The following NLGN1 variants were observed in gnomAD, a reference collection of about 807,000 sequenced individuals.
NLGN1 encodes neuroligin-1.
In NLGN1, 12 loss-of-function variants were observed where a neutral mutation model predicts 65.5. The ratio of observed to expected loss-of-function variants is 0.18; its 90% CI spans 0.12 to 0.30. NLGN1 has a LOEUF of 0.30. NLGN1 is among the 10% of genes least tolerant of loss of function. NLGN1 has a pLI of 1.00. For synonymous variants in NLGN1, 350 were observed against 359.5 expected (o/e 0.97, Z 0.30); for missense variants, 750 against 1,007.1 (o/e 0.74, Z 3.46).
intron 2 of NLGN1, among the ~76,000 whole-genome samples, chr3:173,554,130 T>A: frequency 6.6e-6 from 1 of 152,306 alleles, no homozygotes; most frequent in African/African-American, 2.4e-5. Flanking sequence ...ACTTTATTTT[T>A]AAAATCTATG....
chr3:173,612,936 T>G (rs1752531983), intron 3 of NLGN1, among the ~76,000 whole-genome samples: 1 of 152,138 alleles, frequency 6.6e-6, no homozygotes, highest in South Asian at 2.1e-4. Flanking sequence ...CCTGTGTATA[T>G]GTCTGTGTTC....
chr3:173,797,386 A>G (rs1281895540), intron 3 of NLGN1, among the ~76,000 whole-genome samples: 1 of 152,128 alleles, frequency 6.6e-6, no homozygotes, highest in African/African-American at 2.4e-5. Context: ...TCACTAAAAT[A>G]CTGCTGTAAT....
chr3:173,546,110 G>A (rs1372004396), intron 2 of NLGN1, among the ~76,000 whole-genome samples: 2 of 151,976 alleles, frequency 1.3e-5, no homozygotes, highest in Non-Finnish European at 2.9e-5. Flanking sequence ...AAATTCAAAT[G>A]GTATTGATCA....
intron 4 of NLGN1, among the ~76,000 whole-genome samples, chr3:174,111,741 G>T (rs956486659): frequency 1.3e-4 from 19 of 151,768 alleles, no homozygotes; most frequent in African/African-American, 4.6e-4. Flanking sequence ...TATTAGTATG[G>T]TTTTGCCTTA....
chr3:173,735,959 T>G (rs1326029301), intron 3 of NLGN1, among the ~76,000 whole-genome samples: 4 of 152,130 alleles, frequency 2.6e-5, no homozygotes, highest in East Asian at 3.9e-4. Context: ...TGTATCTTCA[T>G]GCTTTCCTTG....
At chr3:173,876,551 A>C (rs1560540062) in intron 4 of NLGN1, among the ~76,000 whole-genome samples, 1 of 152,126 alleles carries the variant, frequency 6.6e-6, no homozygotes, top group South Asian at 2.1e-4. Context: ...ACTGCTAAAA[A>C]TAGTGTGGTT....
intron 2 of NLGN1, among the ~76,000 whole-genome samples, chr3:173,518,162 C>G (rs761707652): frequency 2.0e-5 from 3 of 152,268 alleles, no homozygotes; most frequent in Admixed American, 1.3e-4. Flanking sequence ...AGTGTGTTAC[C>G]AGACAAATTT....
intron 4 of NLGN1, among the ~76,000 whole-genome samples, chr3:173,833,359 A>G (rs1722967762): frequency 1.3e-5 from 2 of 152,102 alleles, no homozygotes; most frequent in South Asian, 4.1e-4. Flanking sequence ...GGAATTTAAT[A>G]TACTTTTTTT....
At chr3:173,931,777 T>G (rs1047453590) in intron 4 of NLGN1, among the ~76,000 whole-genome samples, 3 of 152,164 alleles carry the variant, frequency 2.0e-5, no homozygotes, top group Non-Finnish European at 2.9e-5. Flanking sequence ...TCATTCTGGC[T>G]TCTGTGTGGA....
intron 2 of NLGN1, among the ~76,000 whole-genome samples, chr3:173,514,934 C>T: frequency 6.6e-6 from 1 of 152,248 alleles, no homozygotes; most frequent in East Asian, 1.9e-4. Context: ...GATTGTTTTA[C>T]ATTTGGCTAT....
intron 3 of NLGN1, chr3:173,695,651 T>C (rs1308899931): frequency 9.0e-6 from 2 of 221,486 alleles, no homozygotes; most frequent in Non-Finnish European, 1.9e-5. Flanking sequence ...TCTTATACTG[T>C]GGACTTATAA....
At chr3:173,940,080 C>CTTTTGTT (rs1745761375) in intron 4 of NLGN1, among the ~76,000 whole-genome samples, 1 of 75,404 alleles carries the variant, frequency 1.3e-5, no homozygotes, top group Non-Finnish European at 2.3e-5. Context: ...ATAGTTATAG[C>CTTTTGTT]TTTTTTTTTT....
rs374170308 is a variant in NLGN1 at position 173,780,908 on chromosome 3, G to A, written c.494-26772G>A. Among the ~76,000 whole-genome samples, 14 of 152,160 alleles carry A rather than the reference G, an allele frequency of 9.2e-5. No individual in the cohort carries two copies. The East Asian group carries it at 2.5e-3, about 27-fold the overall frequency. On this transcript the variant is annotated intron_variant, in intron 3 of 6. Coordinates refer to ENST00000457714, the Ensembl canonical transcript of NLGN1. The stretch of plus-strand genomic sequence containing the variant: ...TGTAATCCCAGCACTTTGGGAGGCC[G>A]AGGCGGGCGGATCACGAGGTCAGGA...
chr3:173,824,523 C>T (rs1002240562), intron 4 of NLGN1, among the ~76,000 whole-genome samples: 2 of 152,064 alleles, frequency 1.3e-5, no homozygotes, highest in Admixed American at 6.6e-5. Context: ...GTGTAAGGGG[C>T]TGCTAGACAT....
At chr3:173,656,861 A>C (rs1057433929) in intron 3 of NLGN1, among the ~76,000 whole-genome samples, 6 of 151,988 alleles carry the variant, frequency 3.9e-5, no homozygotes, top group African/African-American at 1.4e-4. Context: ...TCTAAGCTAC[A>C]AGAAAGTGAA....
intron 4 of NLGN1, among the ~76,000 whole-genome samples, chr3:174,006,871 C>T (rs1332907136): frequency 2.0e-5 from 3 of 151,982 alleles, no homozygotes. Flanking sequence ...GAGTTCGAAA[C>T]CAGCCTGGCT....
At chr3:174,269,421 G>A (rs1174376325) in intron 4 of NLGN1, among the ~76,000 whole-genome samples, 1 of 151,836 alleles carries the variant, frequency 6.6e-6, no homozygotes, top group Non-Finnish European at 1.5e-5. Context: ...CATATGAGTA[G>A]AATCCTACAG....
intron 2 of NLGN1, among the ~76,000 whole-genome samples, chr3:173,498,404 T>A (rs932664439): frequency 2.0e-5 from 3 of 151,986 alleles, no homozygotes; most frequent in African/African-American, 7.3e-5. Context: ...TATGGCTGCA[T>A]AGTATTCCAT....
the NLGN1 span, among the ~76,000 whole-genome samples, chr3:174,292,103 G>T: frequency 6.6e-6 from 1 of 151,272 alleles, no homozygotes. Context: ...TAATGTGGAA[G>T]AAAGGATATT....
Sources: allele counts gnomAD v4.1 joint callset (sites outside exome capture counted in the v4.1 genomes callset), GRCh38; gene constraint gnomAD v4.1.1; transcripts MANE v1.5; gene names NCBI Gene and HGNC (gene_info 2026-07-23, HGNC 2026-07-21).